CADPS2: variants seen among roughly 807,000 people sequenced by gnomAD.
The protein encoded by CADPS2 is calcium dependent secretion activator 2, also known as calcium-dependent secretion activator 2.
CADPS2 carries 93 observed loss-of-function variants against 172.5 expected under a neutral mutation model. The ratio of observed to expected loss-of-function variants is 0.54; its 90% CI spans 0.46 to 0.64. CADPS2 has a LOEUF of 0.64. Among genes scored for constraint, CADPS2 ranks in the 30% least tolerant of loss-of-function variants. The pLI is 0.00. For synonymous variants in CADPS2, 546 were observed against 555.2 expected (o/e 0.98, Z 0.23); for missense variants, 1,420 against 1,565.9 (o/e 0.91, Z 1.57).
chr7:122,465,963 C>G (rs1039650979), intron 14 of CADPS2, among the ~76,000 whole-genome samples: 6 of 152,120 alleles, frequency 3.9e-5, no homozygotes, highest in Non-Finnish European at 8.8e-5. Flanking sequence ...ATAGAGCTTT[C>G]TTTGATTGTT....
chr7:122,400,463 A>T (rs568485326), intron 20 of CADPS2, among the ~76,000 whole-genome samples: 42 of 152,146 alleles, frequency 2.8e-4, no homozygotes, highest in African/African-American at 9.9e-4. Context: ...AACAAAAACA[A>T]AACAAAACTA....
chr7:122,549,582 C>T (rs985205803), intron 8 of CADPS2, among the ~76,000 whole-genome samples: 5 of 151,498 alleles, frequency 3.3e-5, no homozygotes, highest in African/African-American at 1.2e-4. Context: ...GATGGTGCCA[C>T]TGCAATTCAG....
At chr7:122,706,150 A>C (rs1259728969) in intron 2 of CADPS2, among the ~76,000 whole-genome samples, 1 of 9,036 alleles carries the variant, frequency 1.1e-4, no homozygotes, top group African/African-American at 2.9e-4. Context: ...TATTCAAGGA[A>C]TATATATATG....
chr7:122,386,538 T>G (rs1057240979), intron 24 of CADPS2, among the ~76,000 whole-genome samples: 1 of 151,888 alleles, frequency 6.6e-6, no homozygotes, highest in East Asian at 1.9e-4. Context: ...AAAATATAAA[T>G]AAAATAGAAA....
chr7:122,469,823 CTGTGTG>C (rs71726905), intron 14 of CADPS2, among the ~76,000 whole-genome samples: 1 of 148,536 alleles, frequency 6.7e-6, no homozygotes, highest in Non-Finnish European at 1.5e-5. Flanking sequence ...AGGTGTGTGT[CTGTGTG>C]TGTGTGTGTG....
intron 1 of CADPS2, among the ~76,000 whole-genome samples, chr7:122,800,102 T>C (rs1272321312): frequency 1.4e-4 from 22 of 152,218 alleles, no homozygotes; most frequent in Admixed American, 1.4e-3. Context: ...ATAAAAGATA[T>C]TATTTTACTA....
At chr7:122,553,919 T>C (rs192932724) in intron 8 of CADPS2, among the ~76,000 whole-genome samples, 30 of 152,254 alleles carry the variant, frequency 2.0e-4, no homozygotes, top group Middle Eastern at 3.4e-3. Context: ...CAATTCATTT[T>C]ATTCAAGAGT....
At chr7:122,786,774 G>A (rs890131903) in intron 1 of CADPS2, among the ~76,000 whole-genome samples, 1 of 151,984 alleles carries the variant, frequency 6.6e-6, no homozygotes, top group Non-Finnish European at 1.5e-5. Context: ...TTCTATAAGA[G>A]TGGTTTTCAG....
chr7:122,662,375 CTT>C (rs57852366), intron 3 of CADPS2, among the ~76,000 whole-genome samples: 67,904 of 127,854 alleles, frequency 0.53, 17,775 homozygotes, highest in African/African-American at 0.59. Flanking sequence ...TCCTTCCCTG[CTT>C]TTTTTTTTTT....
At chr7:122,657,062 G>C (rs2079889093) in intron 3 of CADPS2, among the ~76,000 whole-genome samples, 1 of 152,144 alleles carries the variant, frequency 6.6e-6, no homozygotes, top group Non-Finnish European at 1.5e-5. Context: ...TTATTAAATA[G>C]GGAATCCTTT....
chr7:122,604,155 T>C (rs2073176408), intron 6 of CADPS2, among the ~76,000 whole-genome samples: 1 of 152,162 alleles, frequency 6.6e-6, no homozygotes, highest in African/African-American at 2.4e-5. Flanking sequence ...TTAAATATTA[T>C]GAATTCGGTA....
At chr7:122,339,014 C>T (rs1250951643) in intron 28 of CADPS2, 1 of 151,158 alleles carries the variant, frequency 6.6e-6, no homozygotes, top group African/African-American at 2.4e-5. Context: ...ATCATTCTCA[C>T]GTTGACCTCT....
At chr7:122,355,753 T>C (rs921373341) in intron 27 of CADPS2, among the ~76,000 whole-genome samples, 2 of 152,140 alleles carry the variant, frequency 1.3e-5, no homozygotes, top group Non-Finnish European at 2.9e-5. Context: ...GACAGAACAT[T>C]ACAGTTAAAA....
At chr7:122,596,547 A>C (rs192052764) in intron 6 of CADPS2, among the ~76,000 whole-genome samples, 78 of 152,256 alleles carry the variant, frequency 5.1e-4, no homozygotes, top group Non-Finnish European at 9.4e-4. Flanking sequence ...AAATGTAAAC[A>C]AATACTATAG....
chr7:122,383,334 G>C (rs2043239016), intron 24 of CADPS2, among the ~76,000 whole-genome samples: 1 of 152,014 alleles, frequency 6.6e-6, no homozygotes, highest in African/African-American at 2.4e-5. Flanking sequence ...ACTAGTAGAG[G>C]GGAGAGGGAG....
chr7:122,499,943 G>T (rs1425729358), intron 9 of CADPS2, among the ~76,000 whole-genome samples: 1 of 152,154 alleles, frequency 6.6e-6, no homozygotes, highest in Non-Finnish European at 1.5e-5. Context: ...TCTGGAACCT[G>T]CTGGGAGAGA....
chr7:122,643,342 T>C (rs2077901867), intron 3 of CADPS2, among the ~76,000 whole-genome samples: 1 of 152,210 alleles, frequency 6.6e-6, no homozygotes, highest in South Asian at 2.1e-4. Context: ...AGAGCATAGC[T>C]CTACCCAACT....
At chr7:122,738,958 T>C (rs191386930) in intron 1 of CADPS2, among the ~76,000 whole-genome samples, 9 of 152,164 alleles carry the variant, frequency 5.9e-5, no homozygotes, top group African/African-American at 1.2e-4. Flanking sequence ...TTAACCAAGC[T>C]GAGGTGCAGG....
intron 4 of CADPS2, among the ~76,000 whole-genome samples, chr7:122,627,712 T>C (rs1013531286): frequency 6.6e-6 from 1 of 152,172 alleles, no homozygotes; most frequent in Non-Finnish European, 1.5e-5. Context: ...GTACAATCTA[T>C]ATACAAGTAG....
Sources: allele counts gnomAD v4.1 joint callset (sites outside exome capture counted in the v4.1 genomes callset), GRCh38; gene constraint gnomAD v4.1.1; transcripts MANE v1.5; gene names NCBI Gene and HGNC (gene_info 2026-07-23, HGNC 2026-07-21).